The following APBB2 variants were observed in gnomAD, a reference collection of about 807,000 sequenced individuals.
APBB2 encodes the protein Fe65-like 1.
APBB2 carries 38 observed loss-of-function variants against 82.5 expected under a neutral mutation model. That is an observed-to-expected ratio of 0.46 (90% CI 0.36 to 0.60). The LOEUF (loss-of-function observed/expected upper bound fraction) is 0.60, where lower values mean the gene tolerates loss of function less well. APBB2 is among the 20% of genes least tolerant of loss of function. The pLI is 0.00. For missense variants in APBB2, 772 were observed against 972.3 expected (o/e 0.79, Z 2.74); for synonymous variants, 341 against 368.2 (o/e 0.93, Z 0.85).
intron 10 of APBB2, among the ~76,000 whole-genome samples, chr4:40,923,101 G>A (rs941103269): frequency 1.2e-4 from 18 of 151,108 alleles, no homozygotes; most frequent in African/African-American, 2.4e-4. Flanking sequence ...TCAGCCTCCC[G>A]AGTAGCTGGG....
rs566200352 is a variant in APBB2 at position 41,025,220 on chromosome 4, A to G, written c.19+8016T>C. Among the ~76,000 whole-genome samples, 45 of 152,334 alleles carry G rather than the reference A, an allele frequency of 3.0e-4. No individual in the cohort carries two copies. The South Asian group carries it at 7.7e-3, about 26-fold the overall frequency. On this transcript the variant is annotated intron_variant, in intron 5 of 17. Transcript: ENST00000508593. ...AAACAAACCCATTAAAAAGTGAGCA[A>G]AGGACATGAACAGACACTTCTGAAA...
intron 3 of APBB2, among the ~76,000 whole-genome samples, chr4:41,087,150 A>G (rs1740060564): frequency 6.6e-6 from 1 of 152,180 alleles, no homozygotes; most frequent in South Asian, 2.1e-4. Flanking sequence ...TAAAAAATAA[A>G]TAAATAAATA....
intron 1 of APBB2, among the ~76,000 whole-genome samples, chr4:41,188,479 C>G (rs1190387200): frequency 1.3e-5 from 2 of 152,106 alleles, no homozygotes; most frequent in Middle Eastern, 3.2e-3. Flanking sequence ...GGGATTTGTG[C>G]CCTTATAAAA....
intron 11 of APBB2, 102 bp from the exon 12 acceptor site, chr4:40,890,593 C>G (rs1018034437): frequency 1.3e-6 from 2 of 1,496,522 alleles, no homozygotes; most frequent in Non-Finnish European, 1.8e-6. Context: ...TCAGAAGAAG[C>G]CACCCTGGGG....
At chr4:41,112,938 G>A (rs1749722114) in intron 2 of APBB2, among the ~76,000 whole-genome samples, 1 of 151,868 alleles carries the variant, frequency 6.6e-6, no homozygotes, top group African/African-American at 2.4e-5. Context: ...AGTGAGCCGA[G>A]ATTGCACAAT....
intron 1 of APBB2, among the ~76,000 whole-genome samples, chr4:41,158,809 C>G (rs1764122819): frequency 6.6e-6 from 1 of 152,116 alleles, no homozygotes; most frequent in South Asian, 2.1e-4. Context: ...AGGCCCTTTA[C>G]CCATCTGTCC....
chr4:40,811,449 G>A lies in APBB2; in HGVS notation c.*4643C>T, dbSNP rs1170535155. Reference sequence around the variant, plus strand: ...CATGCCTGTAATCCCAGCTACTCAGGAGGCTGAGGCGAGAATTGCTTGAAC... The same window carrying A: ...CATGCCTGTAATCCCAGCTACTCAGAAGGCTGAGGCGAGAATTGCTTGAAC... On this transcript the variant is annotated 3_prime_UTR_variant, in exon 18 of 18. Transcript: ENST00000508593. The A allele has an allele frequency of 6.6e-6, 1 of 151,808 alleles. No homozygotes were observed. Among genetic ancestry groups the A allele is most frequent in the Non-Finnish European group, 1.5e-5 (1 of 68,032 alleles). 9.4% of individuals were successfully genotyped at this position (151,808 alleles called of 1,614,324 possible). A position where few individuals can be genotyped will look rare whatever the true frequency, so the allele number is the denominator to read the frequency against.
chr4:41,148,532 G>A (rs1761401008), intron 1 of APBB2, among the ~76,000 whole-genome samples: 2 of 152,126 alleles, frequency 1.3e-5, no homozygotes, highest in African/African-American at 4.8e-5. Context: ...TGCTAGATGT[G>A]GCATTACCAA....
chr4:40,911,439 A>G (rs952058592), intron 10 of APBB2, among the ~76,000 whole-genome samples: 4 of 152,210 alleles, frequency 2.6e-5, no homozygotes, highest in African/African-American at 9.6e-5. Context: ...GATTAGCTCT[A>G]AATTATCAAT....
intron 5 of APBB2, among the ~76,000 whole-genome samples, chr4:41,025,449 G>A (rs908887431): frequency 3.9e-5 from 6 of 152,020 alleles, no homozygotes; most frequent in Admixed American, 3.3e-4. Flanking sequence ...GCAGTGTGGC[G>A]ATTTCTCAAA....
intron 6 of APBB2, among the ~76,000 whole-genome samples, chr4:40,976,933 C>G (rs1038286705): frequency 6.6e-6 from 1 of 152,038 alleles, no homozygotes; most frequent in South Asian, 2.1e-4. Flanking sequence ...GCAGTGGTCT[C>G]AGATACTTGG....
intron 10 of APBB2, among the ~76,000 whole-genome samples, chr4:40,934,143 GGCAGAGCCT>G (rs1371618314): frequency 1.3e-5 from 2 of 152,206 alleles, no homozygotes; most frequent in African/African-American, 4.8e-5. Context: ...TGCTTTGCAA[GGCAGAGCCT>G]GGTGTATCTT....
intron 17 of APBB2, 83 bp from the exon 18 acceptor site, chr4:40,816,342 T>A: frequency 2.1e-6 from 3 of 1,448,342 alleles, no homozygotes; most frequent in African/African-American, 1.4e-5. Context: ...TGACCCATAA[T>A]ACATTGACTC....
chr4:40,823,596 A>G, intron 16 of APBB2, 48 bp downstream of exon 16: 1 of 1,337,120 alleles, frequency 7.5e-7, no homozygotes, highest in Non-Finnish European at 1.1e-6. Context: ...ACTGTATCTT[A>G]TACTCACTGT....
chr4:41,026,846 T>G (rs4398555), intron 5 of APBB2, among the ~76,000 whole-genome samples: 40,350 of 152,130 alleles, frequency 0.27, 6,550 homozygotes, highest in East Asian at 0.54. Context: ...TAGCTTTTTT[T>G]GATAAACATA....
intron 3 of APBB2, among the ~76,000 whole-genome samples, chr4:41,086,535 AC>A (rs909503329): frequency 1.3e-4 from 20 of 152,324 alleles, no homozygotes; most frequent in African/African-American, 4.8e-4. Flanking sequence ...AATGAAATGC[AC>A]CATGTTAACA....
intron 6 of APBB2, among the ~76,000 whole-genome samples, chr4:40,956,876 C>A (rs1791764989): frequency 6.6e-6 from 1 of 152,088 alleles, no homozygotes; most frequent in Non-Finnish European, 1.5e-5. Flanking sequence ...AAAATCAACA[C>A]AAAAGTTTCT....
chr4:40,925,637 C>T (rs1782429521), intron 10 of APBB2, among the ~76,000 whole-genome samples: 1 of 152,086 alleles, frequency 6.6e-6, no homozygotes, highest in African/African-American at 2.4e-5. Context: ...ACCTGTACCA[C>T]GTGAATAAAA....
chr4:40,905,132 A>G (rs1776367462), intron 10 of APBB2, among the ~76,000 whole-genome samples: 1 of 152,154 alleles, frequency 6.6e-6, no homozygotes, highest in Admixed American at 6.5e-5. Flanking sequence ...ACCCCCATGT[A>G]GCGCTTACCA....
Sources: allele counts gnomAD v4.1 joint callset (sites outside exome capture counted in the v4.1 genomes callset), GRCh38; gene constraint gnomAD v4.1.1; transcripts MANE v1.5; gene names NCBI Gene and HGNC (gene_info 2026-07-23, HGNC 2026-07-21).